Variants in SCPPPQ1 observed in about 807,000 individuals in gnomAD.
SCPPPQ1 encodes secretory calcium-binding phosphoprotein proline- and glutamine-rich 1.
the SCPPPQ1 span, chr4:87,462,368 G>C: frequency 6.6e-6 from 1 of 152,174 alleles, no homozygotes; most frequent in African/African-American, 2.4e-5. Context: ...CTATGATTGG[G>C]CCCGTGAATA....
At chr4:87,464,029 C>T in the SCPPPQ1 span, among the ~76,000 whole-genome samples, 4 of 152,152 alleles carry the variant, frequency 2.6e-5, no homozygotes, top group Non-Finnish European at 5.9e-5. Flanking sequence ...CCAACTGTGA[C>T]AGATCTTAGG....
At chr4:87,463,407 G>A in the SCPPPQ1 span, among the ~76,000 whole-genome samples, 6 of 151,928 alleles carry the variant, frequency 3.9e-5, no homozygotes, top group African/African-American at 1.2e-4. Context: ...TAAAAATAGA[G>A]CCTTACCCCT....
At chr4:87,462,473 T>TTTTCTTTC in the SCPPPQ1 span, among the ~76,000 whole-genome samples, 910 of 150,976 alleles carry the variant, frequency 6.0e-3, 7 homozygotes, top group African/African-American at 0.021. Context: ...GTCTCCACGT[T>TTTTCTTTC]TTTCTTTCTT....
the SCPPPQ1 span, among the ~76,000 whole-genome samples, chr4:87,465,773 T>C: frequency 6.6e-6 from 1 of 152,278 alleles, no homozygotes; most frequent in East Asian, 1.9e-4. Context: ...TTGGTGGAGA[T>C]TAGAATCTAG....
the SCPPPQ1 span, among the ~76,000 whole-genome samples, chr4:87,467,147 G>A: frequency 6.6e-6 from 1 of 151,996 alleles, no homozygotes; most frequent in African/African-American, 2.4e-5. Context: ...TTTGTGTCTC[G>A]AAATACTTAT....
chr4:87,467,431 G>T, the SCPPPQ1 span, among the ~76,000 whole-genome samples: 40,488 of 151,990 alleles, frequency 0.27, 6,557 homozygotes, highest in East Asian at 0.41. Context: ...AAAAGTTATA[G>T]AAAGCTGGGG....
the SCPPPQ1 span, among the ~76,000 whole-genome samples, chr4:87,468,898 A>AT: frequency 6.6e-6 from 1 of 152,250 alleles, no homozygotes; most frequent in African/African-American, 2.4e-5. Context: ...AAAGAAACAA[A>AT]TTAGGTTTGT....
At chr4:87,463,200 A>C in the SCPPPQ1 span, among the ~76,000 whole-genome samples, 1 of 151,828 alleles carries the variant, frequency 6.6e-6, no homozygotes, top group Non-Finnish European at 1.5e-5. Flanking sequence ...GTTGAGGTTG[A>C]CTCTCATATT....
At chr4:87,468,781 A>G in the SCPPPQ1 span, among the ~76,000 whole-genome samples, 4 of 152,248 alleles carry the variant, frequency 2.6e-5, no homozygotes, top group Admixed American at 2.0e-4. Context: ...AATTAATGAA[A>G]TATGTATACT....
chr4:87,465,557 T>TCCAAAAA, the SCPPPQ1 span, among the ~76,000 whole-genome samples: 1 of 11,640 alleles, frequency 8.6e-5, no homozygotes, highest in African/African-American at 4.6e-4. Flanking sequence ...AATAGAAATC[T>TCCAAAAA]ACAAAAAAAA....
At chr4:87,467,503 T>C in the SCPPPQ1 span, among the ~76,000 whole-genome samples, 1 of 152,186 alleles carries the variant, frequency 6.6e-6, no homozygotes. Flanking sequence ...AAAGAATGGA[T>C]ATTATAGAAA....
the SCPPPQ1 span, chr4:87,461,950 T>C: frequency 6.6e-6 from 1 of 152,130 alleles, no homozygotes; most frequent in Non-Finnish European, 1.5e-5. Context: ...ATGAAAGAAT[T>C]TGGAGATTTT....
the SCPPPQ1 span, among the ~76,000 whole-genome samples, chr4:87,463,889 C>T: frequency 4.6e-5 from 7 of 152,316 alleles, 1 homozygote; most frequent in Admixed American, 4.6e-4. Context: ...GTAGCATCCA[C>T]ATGGTCCTGT....
the SCPPPQ1 span, among the ~76,000 whole-genome samples, chr4:87,468,526 C>G: frequency 6.6e-6 from 1 of 152,152 alleles, no homozygotes; most frequent in Non-Finnish European, 1.5e-5. Context: ...AGATTAGACT[C>G]AGTGGATCTC....
At chr4:87,463,494 A>T in the SCPPPQ1 span, among the ~76,000 whole-genome samples, 3 of 152,202 alleles carry the variant, frequency 2.0e-5, no homozygotes, top group Non-Finnish European at 4.4e-5. Context: ...GTTAATTTTT[A>T]AACCTACATT....
At chr4:87,470,241 C>T in the SCPPPQ1 span, among the ~76,000 whole-genome samples, 3 of 152,160 alleles carry the variant, frequency 2.0e-5, no homozygotes, top group Admixed American at 6.5e-5. Context: ...GCTGGGATTA[C>T]AGGTGTGAGC....
At chr4:87,470,280 T>G in the SCPPPQ1 span, among the ~76,000 whole-genome samples, 12 of 152,170 alleles carry the variant, frequency 7.9e-5, no homozygotes, top group Admixed American at 1.3e-4. Context: ...TCACAAATCT[T>G]TAAACACCAG....
the SCPPPQ1 span, among the ~76,000 whole-genome samples, chr4:87,466,835 G>A: frequency 1.3e-5 from 2 of 152,148 alleles, no homozygotes; most frequent in African/African-American, 4.8e-5. Flanking sequence ...AGACTAGCCT[G>A]GGTGACATAG....
At chr4:87,462,195 T>A in the SCPPPQ1 span, 21 of 152,224 alleles carry the variant, frequency 1.4e-4, no homozygotes, top group African/African-American at 5.1e-4. Flanking sequence ...AATCCTTAAC[T>A]GTTTACAGCA....
Sources: allele counts gnomAD v4.1 joint callset (sites outside exome capture counted in the v4.1 genomes callset), GRCh38; gene constraint gnomAD v4.1.1; transcripts MANE v1.5; gene names NCBI Gene and HGNC (gene_info 2026-07-23, HGNC 2026-07-21).